APBB2: variants seen among roughly 807,000 people sequenced by gnomAD.
APBB2 encodes the protein amyloid beta precursor protein binding family B member 2, also known as Fe65-like 1.
In APBB2, 38 loss-of-function variants were observed where a neutral mutation model predicts 82.5. The observed-to-expected ratio is 0.46, with a 90% CI of 0.36 to 0.60. The LOEUF is 0.60. Ranked by LOEUF, APBB2 falls within the 20% of genes least tolerant of loss-of-function variation. The probability of loss-of-function intolerance (pLI) is 0.00; values close to 1 mark genes in which losing one functional copy is unlikely to be tolerated. For missense variants in APBB2, 772 were observed against 972.3 expected, an observed-to-expected ratio of 0.79 and a Z score of 2.74; for synonymous variants, 341 against 368.2, an observed-to-expected ratio of 0.93 and a Z score of 0.85.
chr4:41,056,788 T>C (rs1033359270), intron 4 of APBB2, among the ~76,000 whole-genome samples: 6 of 152,314 alleles, frequency 3.9e-5, no homozygotes, highest in Non-Finnish European at 8.8e-5. Flanking sequence ...GATCCTGCGG[T>C]GTGAGGATCA....
At chr4:41,159,922 G>A (rs745894677) in intron 1 of APBB2, among the ~76,000 whole-genome samples, 1,585 of 22,486 alleles carry the variant, frequency 0.07, 118 homozygotes, top group Non-Finnish European at 0.12. Flanking sequence ...GGAGGAGGAG[G>A]AGGAGGAGGA....
intron 4 of APBB2, among the ~76,000 whole-genome samples, chr4:41,035,889 G>A (rs936969989): frequency 4.6e-5 from 7 of 152,158 alleles, no homozygotes; most frequent in African/African-American, 1.7e-4. Flanking sequence ...GTATACGGAA[G>A]GGGCAGGTAC....
intron 1 of APBB2, among the ~76,000 whole-genome samples, chr4:41,170,250 A>G (rs1434166446): frequency 6.6e-6 from 1 of 152,226 alleles, no homozygotes; most frequent in Non-Finnish European, 1.5e-5. Context: ...AAATTAATAT[A>G]TAATAATGTA....
intron 12 of APBB2, among the ~76,000 whole-genome samples, chr4:40,886,304 C>A (rs1216655634): frequency 6.6e-6 from 1 of 152,128 alleles, no homozygotes; most frequent in Admixed American, 6.5e-5. Flanking sequence ...CATGGTGAAA[C>A]CCTGTCTCTA....
chr4:40,818,934 T>G (rs972605481), intron 17 of APBB2, among the ~76,000 whole-genome samples: 2 of 152,074 alleles, frequency 1.3e-5, no homozygotes, highest in Non-Finnish European at 2.9e-5. Flanking sequence ...AGGCTGGACT[T>G]GAACTCCTGG....
intron 4 of APBB2, among the ~76,000 whole-genome samples, chr4:41,061,164 C>A (rs1226959108): frequency 2.0e-5 from 3 of 152,224 alleles, no homozygotes; most frequent in African/African-American, 7.2e-5. Flanking sequence ...CAGATCCTCA[C>A]AGCTGCAGTT....
intron 5 of APBB2, among the ~76,000 whole-genome samples, chr4:41,027,537 T>A (rs1714944229): frequency 1.3e-5 from 2 of 151,952 alleles, no homozygotes; most frequent in African/African-American, 4.8e-5. Context: ...ATTATAGCCA[T>A]CCTAGTTGGT....
At chr4:40,892,101 C>A (rs1277594782) in intron 11 of APBB2, among the ~76,000 whole-genome samples, 1 of 152,012 alleles carries the variant, frequency 6.6e-6, no homozygotes, top group African/African-American at 2.4e-5. Context: ...CAGGTGCGTG[C>A]CATCATACCC....
chr4:41,125,312 C>T (rs944225176), intron 2 of APBB2, among the ~76,000 whole-genome samples: 1 of 152,192 alleles, frequency 6.6e-6, no homozygotes, highest in African/African-American at 2.4e-5. Context: ...CATGGTATTA[C>T]TCAGAAGAGT....
At position 41,160,035 on chromosome 4, in the gene APBB2, GAAA is replaced by G. The variant is rs961401099; in HGVS notation, c.-416-16896_-416-16894del. ...AGAAGAAGAAGAAGAAGAAGAAGAA[GAAA>G]ACATCACAGGATGCTGTTTTGCGGA... On this transcript the variant is annotated intron_variant, in intron 1 of 17. Transcript: ENST00000508593. Among the ~76,000 whole-genome samples the G allele has an allele frequency of 7.1e-4, 104 of 145,664 alleles. 3 individuals are homozygous for G. Among genetic ancestry groups the G allele is most frequent in the African/African-American group, 2.6e-3 (94 of 36,608 alleles).
At chr4:40,944,036 C>T (rs1787713777) in intron 7 of APBB2, among the ~76,000 whole-genome samples, 1 of 152,220 alleles carries the variant, frequency 6.6e-6, no homozygotes, top group African/African-American at 2.4e-5. Context: ...AAGAAGCTTC[C>T]ACAGTAGTTC....
Position 40,902,800 on chromosome 4 carries a change from G to A in APBB2, c.1255-9389C>T, listed in dbSNP as rs6856259. 1.4e-3 allele frequency among the ~76,000 whole-genome samples: 220 copies of A among 152,128 alleles called. 1 individual carries two copies. The highest frequency in any genetic ancestry group is 5.1e-3 in the African/African-American group (212 of 41,538). ...CCACCTTGGCATCCGAAAGTGCTGG[G>A]ATTACAGGCATGGGCCACCCCACCT... On this transcript the variant is annotated intron_variant, in intron 10 of 17. Coordinates refer to ENST00000508593, the MANE Select transcript of APBB2 (RefSeq NM_004307.2).
chr4:41,082,443 T>C (rs192228966), intron 3 of APBB2, among the ~76,000 whole-genome samples: 70 of 152,328 alleles, frequency 4.6e-4, no homozygotes, highest in South Asian at 2.7e-3. Context: ...GGAGGATATA[T>C]AGCTGAGTGA....
At chr4:41,089,233 C>T (rs575602396) in intron 3 of APBB2, among the ~76,000 whole-genome samples, 1 of 152,110 alleles carries the variant, frequency 6.6e-6, no homozygotes, top group Non-Finnish European at 1.5e-5. Flanking sequence ...ATATTCCTTA[C>T]CCAAAATGCT....
chr4:40,973,235 G>C (rs13138832), intron 6 of APBB2, among the ~76,000 whole-genome samples: 66,853 of 151,974 alleles, frequency 0.44, 15,531 homozygotes, highest in Middle Eastern at 0.57. Context: ...AGTGATCAGA[G>C]AGCCTGGGAA....
rs556159792 is a variant in APBB2, at chr4:41,083,097, G to A, written c.-148-17424C>T. On this transcript the variant is annotated intron_variant, in intron 3 of 17. Transcript: ENST00000508593. ...GGAAAATGGCGTGAACCCGGGAGGC[G>A]GAGGTTGCAGTGAGGAGAGATCATC... Among the ~76,000 whole-genome samples the A allele has an allele frequency of 1.4e-4, 21 of 152,152 alleles. 1 individual carries two copies. In the East Asian group the frequency reaches 3.1e-3, roughly 22 times the overall value.
chr4:40,992,671 G>A (rs1802479784), intron 6 of APBB2, among the ~76,000 whole-genome samples: 1 of 152,144 alleles, frequency 6.6e-6, no homozygotes, highest in Non-Finnish European at 1.5e-5. Context: ...GTAACCCCTG[G>A]AAGTAACGCG....
rs766969194 is a variant in APBB2, at chr4:40,884,728, T to C, written c.1529+5636A>G. On this transcript the variant is annotated intron_variant, in intron 12 of 17. Transcript: ENST00000508593. ...GCAGTGAGTGATGATCACGCCACTG[T>C]ACTCCAGCCTGGGCAACAGAGCAAG... is the stretch of plus-strand genomic sequence containing the variant. Among the ~76,000 whole-genome samples, 4 of 152,108 alleles carry C rather than the reference T, an allele frequency of 2.6e-5. 1 individual carries two copies. Among genetic ancestry groups the C allele is most frequent in the Non-Finnish European group, 4.4e-5 (3 of 68,012 alleles).
At chr4:41,190,701 G>A (rs896373173) in intron 1 of APBB2, among the ~76,000 whole-genome samples, 15 of 152,278 alleles carry the variant, frequency 9.9e-5, no homozygotes, top group Non-Finnish European at 1.3e-4. Context: ...TTATGCACAA[G>A]ACAACTTCAT....
Sources: gnomAD v4.1 joint callset for allele counts (sites outside exome capture counted in the v4.1 genomes callset) on GRCh38, gnomAD v4.1.1 for gene constraint, MANE v1.5 for transcripts, NCBI Gene and HGNC (gene_info 2026-07-23, HGNC 2026-07-21) for gene names.